BCLAF1: variants seen among roughly 807,000 people sequenced by gnomAD.
BCLAF1 encodes BCL2 associated transcription factor 1.
BCLAF1 carries 10 observed loss-of-function variants against 99.5 expected under a neutral mutation model. The ratio of observed to expected loss-of-function variants is 0.10; its 90% CI spans 0.06 to 0.17. The LOEUF (loss-of-function observed/expected upper bound fraction) is 0.17, where lower values mean the gene tolerates loss of function less well. Among genes scored for constraint, BCLAF1 ranks in the 10% least tolerant of loss-of-function variants. BCLAF1 has a pLI of 1.00. For synonymous variants in BCLAF1, 255 were observed against 370.9 expected, an observed-to-expected ratio of 0.69 and a Z score of 3.59; for missense variants, 636 against 1,105.8, an observed-to-expected ratio of 0.58 and a Z score of 6.02.
intron 7 of BCLAF1, 104 bp from the exon 8 acceptor site, chr6:136,272,183 T>C: frequency 1.3e-6 from 1 of 762,126 alleles, no homozygotes; most frequent in Non-Finnish European, 2.1e-6. Context: ...TCTCTCCCAA[T>C]CAACTAATTT....
At chr6:136,277,382 A>C (rs9494497) in intron 4 of BCLAF1, among the ~76,000 whole-genome samples, 5,684 of 152,298 alleles carry the variant, frequency 0.037, 342 homozygotes, top group African/African-American at 0.13. Context: ...TCAATGCTTT[A>C]AGAAACTTAA....
In BCLAF1 at chr6:136,257,613, A is replaced by C. The variant is rs1780534214; in HGVS notation, c.*3497T>G. On this transcript the variant is annotated 3_prime_UTR_variant, in exon 13 of 13. Transcript: ENST00000531224. ...TTAGTATCTACCCCAATAAAATTTG[A>C]AACATTTAATAATAGTATCAACTAT... 6.6e-6 allele frequency: 1 copy of C among 152,194 alleles called. No individual in the cohort carries two copies. Among genetic ancestry groups the C allele is most frequent in the Non-Finnish European group, 1.5e-5 (1 of 68,002 alleles). The allele number at this position is 152,194 out of a possible 1,614,324, so 9.4% of individuals were successfully genotyped here.
In BCLAF1 at chr6:136,257,240, T is replaced by C. The variant is rs1460575956; in HGVS notation, c.*3870A>G. The stretch of plus-strand genomic sequence containing the variant: ...AGGAAAAATTTTCCTATATACAGAT[T>C]ACAATTAAGACACATTATTTGAATG... On this transcript the variant is annotated 3_prime_UTR_variant, in exon 13 of 13. Coordinates refer to ENST00000531224, the MANE Select transcript of BCLAF1 (RefSeq NM_014739.3). The C allele has an allele frequency of 6.6e-6, 1 of 152,212 alleles. No individual in the cohort carries two copies. The highest frequency in any genetic ancestry group is 1.5e-5 in the Non-Finnish European group (1 of 68,032). The allele number at this position is 152,212 out of a possible 1,614,324, so 9.4% of individuals were successfully genotyped here. A position where few individuals can be genotyped will look rare whatever the true frequency, so the allele number is the denominator to read the frequency against.
chr6:136,286,476 T>G (rs1396431530), intron 1 of BCLAF1, among the ~76,000 whole-genome samples: 1 of 152,218 alleles, frequency 6.6e-6, no homozygotes, highest in Non-Finnish European at 1.5e-5. Flanking sequence ...ATGAACTAAG[T>G]AAGGCATGTA....
intron 8 of BCLAF1, among the ~76,000 whole-genome samples, chr6:136,270,990 GAACA>G (rs1415107788): frequency 1.3e-5 from 2 of 150,748 alleles, no homozygotes. Context: ...AAAAATAACA[GAACA>G]AAAAAAAACC....
At chr6:136,272,396 C>A (rs1782660671) in intron 7 of BCLAF1, among the ~76,000 whole-genome samples, 1 of 151,902 alleles carries the variant, frequency 6.6e-6, no homozygotes, top group African/African-American at 2.4e-5. Flanking sequence ...AACAAACACA[C>A]ATGAATAGGA....
chr6:136,259,367 G>A lies in BCLAF1; in HGVS notation c.*1743C>T, dbSNP rs1276961743. Reference sequence around the variant, plus strand: ...GCACACAGATTTGATGTCTAACCAAGTAACTGTTATGGTATTTATTTGTAT... The same window carrying A: ...GCACACAGATTTGATGTCTAACCAAATAACTGTTATGGTATTTATTTGTAT... On this transcript the variant is annotated 3_prime_UTR_variant, in exon 13 of 13. Transcript: ENST00000531224. 9 of 152,026 alleles carry A rather than the reference G, an allele frequency of 5.9e-5. No individual in the cohort carries two copies. 9.4% of individuals were successfully genotyped at this position (152,026 alleles called of 1,614,324 possible).
intron 6 of BCLAF1, chr6:136,274,297 CT>C: frequency 1.0e-5 from 1 of 99,704 alleles, no homozygotes; most frequent in Non-Finnish European, 1.3e-5. Context: ...TACTACAGTT[CT>C]TTTAAAAAAA....
At chr6:136,283,584 G>A (rs1254094188) in intron 1 of BCLAF1, among the ~76,000 whole-genome samples, 1 of 152,068 alleles carries the variant, frequency 6.6e-6, no homozygotes, top group African/African-American at 2.4e-5. Flanking sequence ...AAAGCACCAG[G>A]CGAACAGAAA....
At chr6:136,265,675 A>G (rs1781616851) in intron 11 of BCLAF1, among the ~76,000 whole-genome samples, 1 of 152,128 alleles carries the variant, frequency 6.6e-6, no homozygotes, top group Non-Finnish European at 1.5e-5. Flanking sequence ...TGTGCAGTAC[A>G]CTTGCCTACC....
At chr6:136,265,183 A>C (rs994031348) in intron 11 of BCLAF1, among the ~76,000 whole-genome samples, 6 of 152,016 alleles carry the variant, frequency 3.9e-5, no homozygotes, top group African/African-American at 1.5e-4. Flanking sequence ...CCACCTTTGA[A>C]ATGTTGGTCT....
At chr6:136,284,110 A>G (rs1784750947) in intron 1 of BCLAF1, among the ~76,000 whole-genome samples, 1 of 104,286 alleles carries the variant, frequency 9.6e-6, no homozygotes, top group Non-Finnish European at 1.8e-5. Flanking sequence ...ATATATATAC[A>G]TATATATGTG....
rs1780703493 is a variant in BCLAF1 at position 136,259,402 on chromosome 6, G to C, written c.*1708C>G. The C allele has an allele frequency of 6.6e-6, 1 of 152,004 alleles. No individual in the cohort carries two copies. The highest frequency in any genetic ancestry group is 1.5e-5 in the Non-Finnish European group (1 of 67,896). 9.4% of individuals were successfully genotyped at this position (152,004 alleles called of 1,614,324 possible). A position where few individuals can be genotyped will look rare whatever the true frequency, so the allele number is the denominator to read the frequency against. On this transcript the variant is annotated 3_prime_UTR_variant, in exon 13 of 13. Coordinates refer to ENST00000531224, the MANE Select transcript of BCLAF1 (RefSeq NM_014739.3). ...TGGTATTTATTTGTATACAATAAAA[G>C]GGTCATGAAAATTCTGTGTTGGGAA...
At chr6:136,273,232 T>C in intron 6 of BCLAF1, 45 bp from the exon 7 acceptor site, 1 of 1,527,570 alleles carries the variant, frequency 6.5e-7, no homozygotes, top group African/African-American at 1.4e-5. Context: ...AACTTTACTT[T>C]AAGAGAGATT....
intron 7 of BCLAF1, 86 bp from the exon 8 acceptor site, chr6:136,272,165 C>T: frequency 1.1e-6 from 1 of 927,820 alleles, no homozygotes; most frequent in South Asian, 1.7e-5. Context: ...TTTCCTAAGA[C>T]AGTTATTTCT....
rs146562537 is a variant in BCLAF1, at chr6:136,281,702, C to T, written c.-11+882G>A. On this transcript the variant is annotated intron_variant, in intron 2 of 12. Coordinates refer to ENST00000531224, the MANE Select transcript of BCLAF1 (RefSeq NM_014739.3). ...ACTATTTTACTAAGAGCTACAGATGCTGTGTTGTGCTGTATCTCCAGAATC... is the reference window on the plus strand; with the variant it reads ...ACTATTTTACTAAGAGCTACAGATGTTGTGTTGTGCTGTATCTCCAGAATC... Among the ~76,000 whole-genome samples, 503 of 152,250 alleles carry T rather than the reference C, an allele frequency of 3.3e-3. 12 individuals are homozygous for T. The East Asian group carries it at 0.051, about 15-fold the overall frequency.
chr6:136,277,813 T>C, intron 4 of BCLAF1, 52 bp downstream of exon 4: 1 of 1,538,722 alleles, frequency 6.5e-7, no homozygotes, highest in Admixed American at 2.0e-5. Context: ...CCAAACAGAA[T>C]TCAAAGAACA....
intron 8 of BCLAF1, chr6:136,270,404 T>C (rs1782343202): frequency 6.6e-6 from 1 of 151,908 alleles, no homozygotes; most frequent in Non-Finnish European, 1.5e-5. Flanking sequence ...AGAGAAATTA[T>C]ACATCAGTAA....
At position 136,278,203 on chromosome 6, in the gene BCLAF1, G is replaced by T. The variant is rs768132879; in HGVS notation, c.678C>A (p.Pro226=). ...LSAYDNSPRS[P]HSPSPIATPP... ...GTGTAGCAATAGGTGAAGGACTATG[G>T]GGTGATCTAGGACTATTATCATAAG... Residue 226 remains proline, a synonymous_variant, in exon 4 of 13, where the codon CCC becomes CCA. Coordinates refer to ENST00000531224, the MANE Select transcript of BCLAF1 (RefSeq NM_014739.3). The T allele has an allele frequency of 2.5e-6, 4 of 1,614,000 alleles. No homozygotes were observed. In the African/African-American group the frequency reaches 5.3e-5, roughly 22 times the overall value.
Sources: allele counts gnomAD v4.1 joint callset (sites outside exome capture counted in the v4.1 genomes callset), GRCh38; gene constraint gnomAD v4.1.1; transcripts MANE v1.5; gene names NCBI Gene and HGNC (gene_info 2026-07-23, HGNC 2026-07-21).